WDR93: variants seen among roughly 807,000 people sequenced by gnomAD.
WDR93 encodes WD repeat-containing protein 93.
Under a neutral mutation model 82.9 loss-of-function variants are expected in WDR93, and 73 were observed. The ratio of observed to expected loss-of-function variants is 0.88; its 90% CI spans 0.73 to 1.07. WDR93 has a LOEUF of 1.07. Among genes scored for constraint, WDR93 ranks in the 50% least tolerant of loss-of-function variants. The pLI, the probability that WDR93 is intolerant of heterozygous loss-of-function variation, is 0.00. For missense variants in WDR93, 738 were observed against 826.0 expected (o/e 0.89, Z 1.31); for synonymous variants, 283 against 300.1 (o/e 0.94, Z 0.59).
intron 4 of WDR93, among the ~76,000 whole-genome samples, chr15:89,708,980 G>T (rs1391864192): frequency 6.6e-6 from 1 of 152,260 alleles, no homozygotes; most frequent in East Asian, 1.9e-4. Flanking sequence ...CATTATTGTG[G>T]TGCACCACTA....
intron 5 of WDR93, among the ~76,000 whole-genome samples, chr15:89,712,396 C>CTTTTGT (rs1966023965): frequency 1.2e-5 from 1 of 80,534 alleles, no homozygotes; most frequent in African/African-American, 5.5e-5. Flanking sequence ...TTCCACTAAT[C>CTTTTGT]TTTTTTTTTT....
chr15:89,724,967 A>C (rs899766816), intron 8 of WDR93, among the ~76,000 whole-genome samples: 1 of 152,194 alleles, frequency 6.6e-6, no homozygotes, highest in African/African-American at 2.4e-5. Flanking sequence ...GCTAGGTGAT[A>C]GGGTGACCAA....
intron 1 of WDR93, among the ~76,000 whole-genome samples, chr15:89,693,368 T>A (rs1427333310): frequency 6.6e-6 from 1 of 152,248 alleles, no homozygotes; most frequent in Non-Finnish European, 1.5e-5. Flanking sequence ...GACATTGGGT[T>A]GTTTCCACTT....
intron 5 of WDR93, among the ~76,000 whole-genome samples, chr15:89,713,541 C>T (rs1237604681): frequency 1.3e-5 from 2 of 151,734 alleles, no homozygotes; most frequent in African/African-American, 2.4e-5. Flanking sequence ...GGCATGATCT[C>T]GGCTCACTGT....
intron 14 of WDR93, among the ~76,000 whole-genome samples, chr15:89,736,560 G>A (rs1967190645): frequency 6.6e-6 from 1 of 152,066 alleles, no homozygotes; most frequent in Admixed American, 6.6e-5. Context: ...GTGACCGTGA[G>A]GGGCCCCAGG....
chr15:89,711,569 C>T (rs9920376), intron 4 of WDR93, among the ~76,000 whole-genome samples: 93,755 of 151,326 alleles, frequency 0.62, 30,101 homozygotes, highest in Middle Eastern at 0.7. Flanking sequence ...ACATTGAGCC[C>T]CTCTGACCTT....
chr15:89,713,153 G>A (rs930389863), intron 5 of WDR93, among the ~76,000 whole-genome samples: 1 of 145,610 alleles, frequency 6.9e-6, no homozygotes. Context: ...AAAAAGTATC[G>A]TCTCCTGGAG....
chr15:89,695,790 C>G (rs2141578336), intron 1 of WDR93, among the ~76,000 whole-genome samples: 1 of 148,430 alleles, frequency 6.7e-6, no homozygotes, highest in East Asian at 2.0e-4. Flanking sequence ...TTCCATCACT[C>G]CAAAAAACTC....
Position 89,729,040 on chromosome 15 carries a change from T to G in WDR93, c.1070T>G (p.Phe357Cys), listed in dbSNP as rs779540687. 1.1e-5 allele frequency: 17 copies of G among 1,614,034 alleles called. No individual in the cohort carries two copies. The East Asian group carries it at 3.6e-4, about 34-fold the overall frequency. Residue 357 changes from phenylalanine to cysteine, a missense_variant, in exon 10 of 17, where the codon TTC becomes TGC. Phe to Cys is a radical substitution (Grantham distance 205, BLOSUM62 -2). Coordinates refer to ENST00000268130, the MANE Select transcript of WDR93 (RefSeq NM_020212.2). Reference protein sequence around the residue: ...EEPLSTATFYFLLPSCLFAMP... With the variant: ...EEPLSTATFYCLLPSCLFAMP... ...TTTCCCAGTACGGCCACCTTCTATT[T>G]CCTTCTTCCTAGCTGCCTATTTGCA...
chr15:89,699,625 CT>C (rs1171695685), intron 1 of WDR93, among the ~76,000 whole-genome samples: 2 of 49,068 alleles, frequency 4.1e-5, no homozygotes, highest in African/African-American at 1.9e-4. Flanking sequence ...CACCTCAGTT[CT>C]TCTCTTTTTT....
chr15:89,733,342 G>C (rs978963161), intron 13 of WDR93, 123 bp downstream of exon 13: 2 of 903,366 alleles, frequency 2.2e-6, no homozygotes, highest in African/African-American at 3.4e-5. Context: ...TCACTCTCCT[G>C]GTGAGCTTCT....
chr15:89,732,615 C>CCACACA (rs58806438), intron 12 of WDR93, among the ~76,000 whole-genome samples: 5,604 of 148,532 alleles, frequency 0.038, 298 homozygotes, highest in African/African-American at 0.12. Context: ...TGTTGTTTGG[C>CCACACA]CACACACACA....
intron 10 of WDR93, among the ~76,000 whole-genome samples, 187 bp from the exon 11 acceptor site, chr15:89,729,496 C>T (rs1966842476): frequency 6.6e-6 from 1 of 152,170 alleles, no homozygotes; most frequent in Non-Finnish European, 1.5e-5. Flanking sequence ...GAACAGCCCT[C>T]ATGGGGCTGC....
intron 1 of WDR93, among the ~76,000 whole-genome samples, chr15:89,699,239 T>A (rs979857264): frequency 5.3e-5 from 8 of 152,140 alleles, no homozygotes; most frequent in African/African-American, 9.7e-5. Context: ...TTTGTATGTC[T>A]AAAAAGGCTT....
intron 10 of WDR93, among the ~76,000 whole-genome samples, 158 bp from the exon 11 acceptor site, chr15:89,729,525 G>A (rs1388982499): frequency 6.6e-6 from 1 of 152,074 alleles, no homozygotes; most frequent in East Asian, 1.9e-4. Context: ...TCTCTCTTGG[G>A]AAACTCACCC....
chr15:89,739,692 A>T (rs372317792), intron 16 of WDR93, among the ~76,000 whole-genome samples: 1 of 152,310 alleles, frequency 6.6e-6, no homozygotes, highest in African/African-American at 2.4e-5. Flanking sequence ...CGGGCCTGCC[A>T]CTACAGAACT....
At position 89,737,609 on chromosome 15, in the gene WDR93, A is replaced by T; in HGVS notation, c.1645A>T (p.Met549Leu). ...IFSKNGSVCL[M>L]DVAKREIICA... ...TTCCAAGAATGGCTCTGTGTGCCTTATGGATGTGGCCAAGCGTGAAATCAT... is the reference window on the plus strand; with the variant it reads ...TTCCAAGAATGGCTCTGTGTGCCTTTTGGATGTGGCCAAGCGTGAAATCAT... Residue 549 changes from methionine (M) to leucine (L), a missense_variant, in exon 15 of 17, where the codon ATG becomes TTG. Physicochemically the swap from Met to Leu is conservative, Grantham distance 15. Coordinates refer to ENST00000268130, the MANE Select transcript of WDR93 (RefSeq NM_020212.2). The T allele has an allele frequency of 6.2e-7, 1 of 1,614,142 alleles. No individual in the cohort carries two copies. The highest frequency in any genetic ancestry group is 8.5e-7 in the Non-Finnish European group (1 of 1,180,016).
intron 8 of WDR93, among the ~76,000 whole-genome samples, chr15:89,722,484 C>A (rs559897087): frequency 6.6e-6 from 1 of 152,124 alleles, no homozygotes; most frequent in African/African-American, 2.4e-5. Context: ...TTAATTTATT[C>A]ATTATTATTT....
At position 89,703,148 on chromosome 15, in the gene WDR93, GTTC is replaced by G; in HGVS notation, c.496+10_496+12del. On this transcript the variant is annotated splice_region_variant and intron_variant, in intron 3 of 16. Transcript: ENST00000268130. ...TGCTCCTGTGGATGAAATGGGTATT[GTTC>G]TTCATCTTCCTTTTTAGCCTCATTT... 1.9e-6 allele frequency: 3 copies of G among 1,613,958 alleles called. No individual in the cohort carries two copies. Among genetic ancestry groups the G allele is most frequent in the African/African-American group, 2.7e-5 (2 of 75,034 alleles).
Sources: allele counts gnomAD v4.1 joint callset (sites outside exome capture counted in the v4.1 genomes callset), GRCh38; gene constraint gnomAD v4.1.1; transcripts MANE v1.5; gene names NCBI Gene and HGNC (gene_info 2026-07-23, HGNC 2026-07-21).